The following CSMD1 variants were observed in gnomAD, a reference collection of about 807,000 sequenced individuals.
The protein encoded by CSMD1 is CUB and Sushi multiple domains 1.
Under a neutral mutation model 417.5 loss-of-function variants are expected in CSMD1, and 213 were observed. The ratio of observed to expected loss-of-function variants is 0.51; its 90% CI spans 0.46 to 0.57. The LOEUF (loss-of-function observed/expected upper bound fraction) is 0.57, where lower values mean the gene tolerates loss of function less well. Ranked by LOEUF, CSMD1 falls within the 20% of genes least tolerant of loss-of-function variation. CSMD1 has a pLI of 0.00. For missense variants in CSMD1, 6,923 were observed against 4,529.7 expected (o/e 1.53, Z -15.17); for synonymous variants, 2,862 against 1,736.8 (o/e 1.65, Z -16.11).
chr8:4,393,935 T>A (rs1428928190), intron 3 of CSMD1, among the ~76,000 whole-genome samples: 1 of 152,230 alleles, frequency 6.6e-6, no homozygotes, highest in African/African-American at 2.4e-5. Context: ...TTGTAAGATA[T>A]TGCCTGTGTT....
At chr8:3,949,329 G>A (rs1344941803) in intron 5 of CSMD1, among the ~76,000 whole-genome samples, 2 of 152,092 alleles carry the variant, frequency 1.3e-5, no homozygotes, top group Non-Finnish European at 2.9e-5. Context: ...AAATGTTGTA[G>A]CCTCTGACCA....
At chr8:4,185,120 C>G (rs1584979886) in intron 3 of CSMD1, among the ~76,000 whole-genome samples, 1 of 130,730 alleles carries the variant, frequency 7.6e-6, no homozygotes, top group Non-Finnish European at 1.6e-5. Context: ...GCCTGGGCAC[C>G]TGAGTGAAAT....
At chr8:4,446,250 C>A (rs1427882387) in intron 2 of CSMD1, among the ~76,000 whole-genome samples, 1 of 152,178 alleles carries the variant, frequency 6.6e-6, no homozygotes, top group African/African-American at 2.4e-5. Flanking sequence ...CAGAAGATCA[C>A]TTGAAGAGTG....
intron 3 of CSMD1, among the ~76,000 whole-genome samples, chr8:4,205,634 T>A (rs1268317560): frequency 6.6e-6 from 1 of 151,908 alleles, no homozygotes; most frequent in Non-Finnish European, 1.5e-5. Flanking sequence ...CCACACAGAG[T>A]GAGAAAGCCT....
chr8:3,596,882 C>T (rs1448277682), intron 8 of CSMD1, among the ~76,000 whole-genome samples: 4 of 152,192 alleles, frequency 2.6e-5, no homozygotes, highest in African/African-American at 4.8e-5. Context: ...TTGCACCCTA[C>T]AGAAGTTGGC....
chr8:4,791,644 T>A (rs1585104739), intron 1 of CSMD1, among the ~76,000 whole-genome samples: 1 of 152,228 alleles, frequency 6.6e-6, no homozygotes, highest in East Asian at 1.9e-4. Context: ...CACTTAAAAA[T>A]GGGCCCAACA....
intron 3 of CSMD1, among the ~76,000 whole-genome samples, chr8:4,124,173 G>T (rs551705292): frequency 1.4e-4 from 22 of 152,248 alleles, no homozygotes; most frequent in East Asian, 1.4e-3. Flanking sequence ...AGGCGCAGGG[G>T]AGGAAGTGGG....
Position 3,679,453 on chromosome 8 carries a change from G to C in CSMD1, c.1009+28961C>G, listed in dbSNP as rs541513818. Among the ~76,000 whole-genome samples the C allele has an allele frequency of 8.9e-4, 136 of 152,272 alleles. 1 individual carries two copies. Among genetic ancestry groups the C allele is most frequent in the African/African-American group, 3.1e-3 (130 of 41,552 alleles). The stretch of plus-strand genomic sequence containing the variant: ...GAGACAAAGAAAGCCATTACGTAAT[G>C]GTAAAGGGATCAATTCAACAAGAAG... On this transcript the variant is annotated intron_variant, in intron 7 of 69. Transcript: ENST00000635120.
chr8:3,415,843 A>G (rs930932853), intron 12 of CSMD1, among the ~76,000 whole-genome samples: 25 of 152,180 alleles, frequency 1.6e-4, no homozygotes, highest in African/African-American at 6.0e-4. Flanking sequence ...GGTAAAATGG[A>G]TCTATGTTGT....
At chr8:3,354,655 C>T (rs957567835) in intron 21 of CSMD1, among the ~76,000 whole-genome samples, 4 of 151,882 alleles carry the variant, frequency 2.6e-5, no homozygotes, top group African/African-American at 9.7e-5. Flanking sequence ...TTTATTTTTA[C>T]AATTTAGTGC....
intron 30 of CSMD1, among the ~76,000 whole-genome samples, chr8:3,209,900 G>C (rs1432013915): frequency 6.6e-6 from 1 of 152,068 alleles, no homozygotes; most frequent in Non-Finnish European, 1.5e-5. Flanking sequence ...GAACCAAATT[G>C]AGTAAACAAA....
intron 4 of CSMD1, among the ~76,000 whole-genome samples, chr8:4,016,474 A>G (rs1183092557): frequency 5.9e-5 from 9 of 152,124 alleles, no homozygotes; most frequent in Non-Finnish European, 1.3e-4. Flanking sequence ...CCTCTGCCCA[A>G]GAATGCAAGC....
chr8:3,473,220 C>A (rs1032103333), intron 11 of CSMD1, among the ~76,000 whole-genome samples: 5 of 152,224 alleles, frequency 3.3e-5, no homozygotes, highest in East Asian at 3.9e-4. Context: ...TTACTTTGTT[C>A]ATTTGCATGA....
chr8:4,471,723 GC>G (rs1434681078), intron 2 of CSMD1, among the ~76,000 whole-genome samples: 1 of 139,954 alleles, frequency 7.1e-6, no homozygotes, highest in East Asian at 2.1e-4. Context: ...GAAAAATGCA[GC>G]AAACACGCGG....
At chr8:3,568,870 T>A (rs556632318) in intron 10 of CSMD1, among the ~76,000 whole-genome samples, 7 of 152,196 alleles carry the variant, frequency 4.6e-5, no homozygotes, top group African/African-American at 1.4e-4. Context: ...AGAAGGTAGG[T>A]CCTTCATGAT....
At chr8:4,152,968 A>T (rs1036563825) in intron 3 of CSMD1, among the ~76,000 whole-genome samples, 14 of 152,152 alleles carry the variant, frequency 9.2e-5, no homozygotes, top group Non-Finnish European at 1.5e-4. Context: ...ATTTGCCTTC[A>T]TTTTTCTGCT....
intron 12 of CSMD1, among the ~76,000 whole-genome samples, chr8:3,423,558 A>G (rs770541539): frequency 3.9e-5 from 6 of 152,088 alleles, no homozygotes; most frequent in Admixed American, 6.5e-5. Flanking sequence ...CTTTGGCACC[A>G]TTTGTCTATC....
chr8:4,756,843 G>A (rs952867228), intron 1 of CSMD1, among the ~76,000 whole-genome samples: 2 of 152,168 alleles, frequency 1.3e-5, no homozygotes, highest in Non-Finnish European at 2.9e-5. Context: ...ATAACACAGT[G>A]ACTGAAAAAG....
intron 16 of CSMD1, among the ~76,000 whole-genome samples, chr8:3,398,042 A>G (rs766370282): frequency 2.0e-5 from 3 of 152,246 alleles, no homozygotes; most frequent in Admixed American, 6.5e-5. Context: ...TTAGCAAAAC[A>G]TCACACTGAA....
Sources: gnomAD v4.1 joint callset for allele counts (sites outside exome capture counted in the v4.1 genomes callset) on GRCh38, gnomAD v4.1.1 for gene constraint, MANE v1.5 for transcripts, NCBI Gene and HGNC (gene_info 2026-07-23, HGNC 2026-07-21) for gene names.